The following LRRC4C variants were observed in gnomAD, a reference collection of about 807,000 sequenced individuals.
LRRC4C encodes leucine rich repeat containing 4C, also known as leucine-rich repeat-containing protein 4C.
In LRRC4C, 5 loss-of-function variants were observed where a neutral mutation model predicts 33.6. The ratio of observed to expected loss-of-function variants is 0.15; its 90% CI spans 0.08 to 0.31. The LOEUF (loss-of-function observed/expected upper bound fraction) is 0.31. LRRC4C is among the 10% of genes least tolerant of loss of function. The probability of loss-of-function intolerance (pLI) is 1.00; values close to 1 mark genes in which losing one functional copy is unlikely to be tolerated. For synonymous variants in LRRC4C, 329 were observed against 302.0 expected (o/e 1.09, Z -0.93); for missense variants, 560 against 796.7 (o/e 0.70, Z 3.58).
At chr11:40,511,534 C>T (rs555816934) in intron 3 of LRRC4C, among the ~76,000 whole-genome samples, 9 of 152,172 alleles carry the variant, frequency 5.9e-5, no homozygotes, top group Non-Finnish European at 1.3e-4. Flanking sequence ...CTGCACAGAA[C>T]ACATTATGAA....
At chr11:40,363,262 C>T (rs546308589) in intron 3 of LRRC4C, among the ~76,000 whole-genome samples, 7 of 152,172 alleles carry the variant, frequency 4.6e-5, no homozygotes, top group South Asian at 2.1e-4. Context: ...TGCAGGGACA[C>T]GAATGGAACT....
At chr11:40,245,036 T>G (rs1318761916) in intron 4 of LRRC4C, among the ~76,000 whole-genome samples, 1 of 152,208 alleles carries the variant, frequency 6.6e-6, no homozygotes, top group Non-Finnish European at 1.5e-5. Flanking sequence ...CAGTTCATTT[T>G]TCAGCTACTT....
chr11:40,618,268 G>A (rs61886760), intron 3 of LRRC4C, among the ~76,000 whole-genome samples: 30,965 of 151,306 alleles, frequency 0.2, 3,850 homozygotes, highest in Middle Eastern at 0.32. Flanking sequence ...CAGCACCCAG[G>A]AAAGACAGCC....
chr11:40,424,715 T>G (rs1950649197), intron 3 of LRRC4C, among the ~76,000 whole-genome samples: 1 of 152,174 alleles, frequency 6.6e-6, no homozygotes, highest in Non-Finnish European at 1.5e-5. Context: ...AGTGAATAAA[T>G]GCAGCCAAAT....
At chr11:40,137,178 GTGTGTGTGTGTGTA>G (rs1249389486) in intron 6 of LRRC4C, among the ~76,000 whole-genome samples, 1 of 152,022 alleles carries the variant, frequency 6.6e-6, no homozygotes, top group Non-Finnish European at 1.5e-5. Flanking sequence ...GTGTGTGTGT[GTGTGTGTGTGTGTA>G]TGTGAGAATA....
intron 1 of LRRC4C, among the ~76,000 whole-genome samples, chr11:41,159,768 T>C (rs1484500253): frequency 6.6e-6 from 1 of 152,138 alleles, no homozygotes; most frequent in Non-Finnish European, 1.5e-5. Flanking sequence ...ATACACTTTT[T>C]ATACTGGAAA....
chr11:40,282,664 T>A (rs1365509694), intron 4 of LRRC4C, among the ~76,000 whole-genome samples: 1 of 152,164 alleles, frequency 6.6e-6, no homozygotes, highest in Non-Finnish European at 1.5e-5. Flanking sequence ...CAGTTCAACA[T>A]ATTTAAGACA....
intron 1 of LRRC4C, among the ~76,000 whole-genome samples, chr11:41,418,559 T>C (rs1318567878): frequency 6.6e-6 from 1 of 152,032 alleles, no homozygotes; most frequent in East Asian, 1.9e-4. Context: ...GAAAGGCAGA[T>C]AACATGTTAC....
At chr11:40,507,654 T>C (rs1955098197) in intron 3 of LRRC4C, among the ~76,000 whole-genome samples, 1 of 152,090 alleles carries the variant, frequency 6.6e-6, no homozygotes, top group African/African-American at 2.4e-5. Context: ...TCTAGAAATA[T>C]ACTGGCATAT....
chr11:40,955,593 C>A (rs1434154287), intron 1 of LRRC4C, among the ~76,000 whole-genome samples: 1 of 151,766 alleles, frequency 6.6e-6, no homozygotes, highest in Non-Finnish European at 1.5e-5. Context: ...GGTTCAAGAT[C>A]CTATTTTGAG....
At chr11:41,229,813 T>C (rs1454645676) in intron 1 of LRRC4C, among the ~76,000 whole-genome samples, 3 of 152,040 alleles carry the variant, frequency 2.0e-5, no homozygotes, top group Non-Finnish European at 4.4e-5. Flanking sequence ...TGTTTCCCCC[T>C]GATAACTCTG....
At chr11:40,770,163 A>G (rs941901391) in intron 2 of LRRC4C, among the ~76,000 whole-genome samples, 2 of 152,208 alleles carry the variant, frequency 1.3e-5, no homozygotes, top group African/African-American at 2.4e-5. Context: ...TAACTGATAA[A>G]GGAAAAAGGT....
chr11:40,415,354 G>T (rs1950289655), intron 3 of LRRC4C, among the ~76,000 whole-genome samples: 1 of 152,116 alleles, frequency 6.6e-6, no homozygotes, highest in Non-Finnish European at 1.5e-5. Flanking sequence ...CTTTGAAATT[G>T]TGTTTTGTAA....
intron 2 of LRRC4C, among the ~76,000 whole-genome samples, chr11:40,648,906 G>C (rs368340043): frequency 2.6e-5 from 4 of 152,054 alleles, no homozygotes; most frequent in African/African-American, 9.7e-5. Flanking sequence ...CTCACATATC[G>C]GTAGCACCGT....
intron 1 of LRRC4C, among the ~76,000 whole-genome samples, chr11:41,199,115 C>T (rs985993822): frequency 2.6e-5 from 4 of 152,096 alleles, no homozygotes; most frequent in African/African-American, 9.7e-5. Flanking sequence ...CATATATACA[C>T]TCTGTGAAAG....
At chr11:41,078,949 T>C (rs975875488) in intron 1 of LRRC4C, among the ~76,000 whole-genome samples, 1 of 152,206 alleles carries the variant, frequency 6.6e-6, no homozygotes, top group African/African-American at 2.4e-5. Flanking sequence ...CTAAAGTGTT[T>C]CCTTGTTTCC....
chr11:41,346,483 A>C (rs2939768), intron 1 of LRRC4C, among the ~76,000 whole-genome samples: 95,074 of 152,050 alleles, frequency 0.63, 30,474 homozygotes, highest in East Asian at 0.79. Flanking sequence ...TTTCTGTTTT[A>C]ACTTCAGTGA....
chr11:40,220,561 T>C (rs1299450712), intron 5 of LRRC4C, among the ~76,000 whole-genome samples: 1 of 152,194 alleles, frequency 6.6e-6, no homozygotes, highest in Non-Finnish European at 1.5e-5. Flanking sequence ...CTGTCAATAC[T>C]GTACAGAATC....
In LRRC4C at chr11:40,907,563, T is replaced by C. The variant is rs114854509; in HGVS notation, c.-407+26072A>G. ...TAATTGCAGAGTATAAAAACTGCAT[T>C]GTGATTATAGAAACAGTGAAAGAAG... On this transcript the variant is annotated intron_variant, in intron 2 of 6. Coordinates refer to ENST00000528697, the MANE Select transcript of LRRC4C (RefSeq NM_001258419.2). 1.7e-3 allele frequency among the ~76,000 whole-genome samples: 256 copies of C among 152,308 alleles called. 2 individuals are homozygous for C. Among genetic ancestry groups the C allele is most frequent in the African/African-American group, 6.0e-3 (248 of 41,562 alleles).
Sources: gnomAD v4.1 joint callset for allele counts (sites outside exome capture counted in the v4.1 genomes callset) on GRCh38, gnomAD v4.1.1 for gene constraint, MANE v1.5 for transcripts, NCBI Gene and HGNC (gene_info 2026-07-23, HGNC 2026-07-21) for gene names.